SUSD1: variants seen among roughly 807,000 people sequenced by gnomAD.
SUSD1 encodes sushi domain-containing protein 1.
A neutral mutation model predicts 86.9 loss-of-function variants in SUSD1; 65 were observed. That is an observed-to-expected ratio of 0.75 (90% CI 0.61 to 0.92). SUSD1 has a LOEUF of 0.92. Among genes scored for constraint, SUSD1 ranks in the 40% least tolerant of loss-of-function variants. SUSD1 has a pLI of 0.00. For missense variants in SUSD1, 850 were observed against 929.7 expected, an observed-to-expected ratio of 0.91 and a Z score of 1.11; for synonymous variants, 346 against 350.0, an observed-to-expected ratio of 0.99 and a Z score of 0.13.
rs564977546 is a variant in SUSD1 at position 112,113,272 on chromosome 9, G to A, written c.887-404C>T. Among the ~76,000 whole-genome samples the A allele has an allele frequency of 3.3e-5, 5 of 152,214 alleles. No homozygotes were observed. In the South Asian group the frequency reaches 1.0e-3, roughly 32 times the overall value. On this transcript the variant is annotated intron_variant, in intron 6 of 16. Transcript: ENST00000374270. This position sits in a 1 kb window ranked among gnomAD's most constrained non-coding sequence, Gnocchi z 4.1. ...ACCTTTCTCTTCCCAGCAGAATGAT[G>A]GGAAACTCCTTCAAGTCACTGCTAT...
At chr9:112,097,467 C>T (rs181122047) in intron 10 of SUSD1, among the ~76,000 whole-genome samples, 2,925 of 140,448 alleles carry the variant, frequency 0.021, 100 homozygotes, top group African/African-American at 0.073. Context: ...GGCGCAATCT[C>T]GGCTCACTGC....
In SUSD1 at chr9:112,052,595, T is replaced by C. The variant is rs552893275; in HGVS notation, c.2110-157A>G. On this transcript the variant is annotated intron_variant, in intron 14 of 16. Transcript: ENST00000374270. ...AATCTAGCTCTAATATCTTGTGATA[T>C]CACTAAGTGTTCAAGGGACCGGCGT... Among the ~76,000 whole-genome samples, 3 of 152,292 alleles carry C rather than the reference T, an allele frequency of 2.0e-5. No homozygotes were observed. The South Asian group carries it at 6.2e-4, about 32-fold the overall frequency.
intron 5 of SUSD1, among the ~76,000 whole-genome samples, chr9:112,136,874 G>A (rs1832289466): frequency 6.6e-6 from 1 of 152,040 alleles, no homozygotes; most frequent in South Asian, 2.1e-4. Flanking sequence ...GAGTTGACTC[G>A]GCAACAATGA....
intron 2 of SUSD1, among the ~76,000 whole-genome samples, chr9:112,150,192 G>A (rs941630948): frequency 2.0e-5 from 3 of 152,172 alleles, no homozygotes; most frequent in Admixed American, 6.5e-5. Context: ...GCAATGCTAC[G>A]TACCAGTAAA....
rs1175512080 is a variant in SUSD1 at position 112,095,153 on chromosome 9, T to G, written c.1474+3317A>C. On this transcript the variant is annotated intron_variant, in intron 10 of 16. Coordinates refer to ENST00000374270, the MANE Select transcript of SUSD1 (RefSeq NM_022486.5). ...CAGGTCGAGAGCTCTGTGACATCAT[T>G]CTTTCTCTACAGAGACCTCGGAGGC... 2.6e-5 allele frequency among the ~76,000 whole-genome samples: 4 copies of G among 152,190 alleles called. No individual in the cohort carries two copies. In the South Asian group the frequency reaches 8.3e-4, roughly 31 times the overall value.
At chr9:112,168,026 A>G (rs895675373) in intron 1 of SUSD1, among the ~76,000 whole-genome samples, 1 of 152,226 alleles carries the variant, frequency 6.6e-6, no homozygotes, top group Middle Eastern at 3.2e-3. Flanking sequence ...TGATTGAATC[A>G]TCTCTCCCTG....
chr9:112,074,824 A>T (rs1486482461), intron 12 of SUSD1, among the ~76,000 whole-genome samples: 1 of 150,750 alleles, frequency 6.6e-6, no homozygotes, highest in Non-Finnish European at 1.5e-5. Flanking sequence ...CTTTCATAAG[A>T]TCAAAGCAAC....
intron 5 of SUSD1, among the ~76,000 whole-genome samples, chr9:112,131,111 C>T (rs1832016386): frequency 6.6e-6 from 1 of 152,132 alleles, no homozygotes; most frequent in African/African-American, 2.4e-5. Flanking sequence ...GATGGAGGCC[C>T]TAAGAGCTTA....
intron 10 of SUSD1, among the ~76,000 whole-genome samples, chr9:112,088,487 T>TA (rs1442475699): frequency 6.6e-6 from 1 of 152,170 alleles, no homozygotes; most frequent in East Asian, 1.9e-4. Flanking sequence ...AGTATGCCAT[T>TA]AAAAACTGTC....
At chr9:112,101,768 C>T (rs772721942) in intron 9 of SUSD1, among the ~76,000 whole-genome samples, 6 of 152,200 alleles carry the variant, frequency 3.9e-5, no homozygotes, top group African/African-American at 7.2e-5. Context: ...ATCGCTTGAA[C>T]CCCGGAGGCA....
chr9:112,131,581 A>G (rs988666980), intron 5 of SUSD1, among the ~76,000 whole-genome samples: 2 of 152,230 alleles, frequency 1.3e-5, no homozygotes, highest in African/African-American at 4.8e-5. Flanking sequence ...GTTCCTACTA[A>G]GAAATACTCA....
intron 13 of SUSD1, among the ~76,000 whole-genome samples, chr9:112,061,665 A>G (rs1318262849): frequency 1.3e-5 from 2 of 152,244 alleles, no homozygotes; most frequent in Non-Finnish European, 2.9e-5. Context: ...AATCAGAACA[A>G]TTTATACAAT....
intron 6 of SUSD1, among the ~76,000 whole-genome samples, chr9:112,119,419 C>T (rs927309963): frequency 1.3e-5 from 2 of 152,280 alleles, no homozygotes. Flanking sequence ...GGGTCACCAG[C>T]CAAACAGAAG....
intron 7 of SUSD1, among the ~76,000 whole-genome samples, chr9:112,112,461 C>T (rs1831140113): frequency 6.6e-6 from 1 of 151,862 alleles, no homozygotes; most frequent in Non-Finnish European, 1.5e-5. Flanking sequence ...GTGGTGAAAC[C>T]CCATCTCTAC....
chr9:112,064,481 T>A (rs1828883130), intron 12 of SUSD1, among the ~76,000 whole-genome samples: 1 of 152,166 alleles, frequency 6.6e-6, no homozygotes, highest in Admixed American at 6.5e-5. Flanking sequence ...ATGAAACCAG[T>A]CCCTGGCACC....
chr9:112,043,508 A>G (rs1364077514), intron 15 of SUSD1, among the ~76,000 whole-genome samples: 1 of 151,566 alleles, frequency 6.6e-6, no homozygotes, highest in Non-Finnish European at 1.5e-5. Flanking sequence ...TAAAAACCCC[A>G]TCCCTGAATT....
chr9:112,048,044 C>A (rs918509892), intron 15 of SUSD1, among the ~76,000 whole-genome samples: 1 of 152,184 alleles, frequency 6.6e-6, no homozygotes, highest in African/African-American at 2.4e-5. Context: ...TTCTGTTAAG[C>A]TGCACTCCTT....
intron 10 of SUSD1, among the ~76,000 whole-genome samples, chr9:112,086,911 T>C (rs1477055323): frequency 6.6e-6 from 1 of 151,834 alleles, no homozygotes; most frequent in Non-Finnish European, 1.5e-5. Context: ...CTAGAAATCT[T>C]GTTAACCATC....
At chr9:112,143,705 T>G in intron 3 of SUSD1, 82 bp from the exon 4 acceptor site, 3 of 1,379,272 alleles carry the variant, frequency 2.2e-6, no homozygotes, top group South Asian at 1.5e-5. Flanking sequence ...TGACAGCCAT[T>G]TTTTCACATT....
Sources: allele counts gnomAD v4.1 joint callset (sites outside exome capture counted in the v4.1 genomes callset), GRCh38; gene constraint gnomAD v4.1.1; non-coding constraint Gnocchi (gnomAD v3.1); transcripts MANE v1.5; gene names NCBI Gene and HGNC (gene_info 2026-07-23, HGNC 2026-07-21).